Variants in TMEM131L observed in about 807,000 individuals in gnomAD.
TMEM131L encodes the protein transmembrane protein 131-like.
Under a neutral mutation model 192.2 loss-of-function variants are expected in TMEM131L, and 54 were observed. That is an observed-to-expected ratio of 0.28 (90% CI 0.23 to 0.35). The LOEUF (loss-of-function observed/expected upper bound fraction) is 0.35, where lower values mean the gene tolerates loss of function less well. Ranked by LOEUF, TMEM131L falls within the 10% of genes least tolerant of loss-of-function variation. The probability of loss-of-function intolerance (pLI) is 1.00; values close to 1 mark genes in which losing one functional copy is unlikely to be tolerated. For synonymous variants in TMEM131L, 701 were observed against 704.9 expected (o/e 0.99, Z 0.09); for missense variants, 1,888 against 1,972.9 (o/e 0.96, Z 0.82).
rs534594026 is a variant in TMEM131L, at chr4:153,610,150, T to C, written c.3419-2102T>C. Among the ~76,000 whole-genome samples, 90 of 152,328 alleles carry C rather than the reference T, an allele frequency of 5.9e-4. No homozygotes were observed. In the South Asian group the frequency reaches 0.018, roughly 30 times the overall value. ...AGGTTTGAAAGGGATCTGAAAGTTG[T>C]GTCCCAGCAGTCCTCTAAATGAAGT... On this transcript the variant is annotated intron_variant, in intron 25 of 34. Coordinates refer to ENST00000409959, the MANE Select transcript of TMEM131L (RefSeq NM_001131007.2).
rs1353283733 is a variant in TMEM131L at position 153,603,853 on chromosome 4, G to A, written c.2841G>A (p.Arg947=). Residue 947 remains arginine (R), a synonymous_variant, in exon 25 of 35, where the codon AGG becomes AGA. Transcript: ENST00000409959. The part of the protein sequence containing the change: ...LDTYGPSDKG[R]GKNCLPVNTP... ...CATATGGCCCCTCTGATAAAGGCAG[G>A]GGGAAGAACTGCCTTCCAGTGAACA... is the stretch of plus-strand genomic sequence containing the variant. 6.2e-7 allele frequency: 1 copy of A among 1,611,898 alleles called. No homozygotes were observed. The highest frequency in any genetic ancestry group is 8.5e-7 in the Non-Finnish European group (1 of 1,179,164).
intron 26 of TMEM131L, 118 bp downstream of exon 26, chr4:153,612,518 G>A: frequency 1.4e-6 from 1 of 734,720 alleles, no homozygotes; most frequent in Non-Finnish European, 2.1e-6. Flanking sequence ...TAACTGGTGA[G>A]TTTGATGTGT....
At chr4:153,485,983 C>A (rs1343943600) in intron 3 of TMEM131L, among the ~76,000 whole-genome samples, 1 of 152,144 alleles carries the variant, frequency 6.6e-6, no homozygotes, top group African/African-American at 2.4e-5. Context: ...GTGCGTGATC[C>A]TAGGTGTCCT....
chr4:153,481,561 G>T (rs1280093113), intron 3 of TMEM131L, among the ~76,000 whole-genome samples: 1 of 152,010 alleles, frequency 6.6e-6, no homozygotes, highest in Non-Finnish European at 1.5e-5. Context: ...TTTGAGACAG[G>T]GTCTCAGTCT....
At chr4:153,604,771 C>A (rs1441937951) in intron 25 of TMEM131L, among the ~76,000 whole-genome samples, 1 of 152,094 alleles carries the variant, frequency 6.6e-6, no homozygotes, top group Non-Finnish European at 1.5e-5. Context: ...GTGGTGTGAT[C>A]TTGGCTCACT....
chr4:153,476,554 A>C (rs1404845045), intron 3 of TMEM131L, among the ~76,000 whole-genome samples: 2 of 151,926 alleles, frequency 1.3e-5, no homozygotes, highest in Non-Finnish European at 2.9e-5. Flanking sequence ...AAAATTAGCC[A>C]GGTGTGGTGG....
At chr4:153,619,378 C>G (rs17370492) in intron 26 of TMEM131L, among the ~76,000 whole-genome samples, 17 of 152,126 alleles carry the variant, frequency 1.1e-4, no homozygotes, top group Non-Finnish European at 2.1e-4. Context: ...CATTAAATCC[C>G]GAGTCTGCAT....
At chr4:153,522,992 A>G (rs987595836) in intron 3 of TMEM131L, among the ~76,000 whole-genome samples, 2 of 152,080 alleles carry the variant, frequency 1.3e-5, no homozygotes, top group African/African-American at 4.8e-5. Context: ...CCCTTAGTCC[A>G]CTCTGATACA....
chr4:153,514,730 AG>A (rs1421967704), intron 3 of TMEM131L, among the ~76,000 whole-genome samples: 2 of 152,230 alleles, frequency 1.3e-5, no homozygotes, highest in Non-Finnish European at 2.9e-5. Context: ...AATATAAAGA[AG>A]AAAAATAAAA....
intron 3 of TMEM131L, among the ~76,000 whole-genome samples, chr4:153,496,355 G>A (rs142708571): frequency 2.1e-3 from 324 of 152,258 alleles, no homozygotes; most frequent in African/African-American, 7.5e-3. Flanking sequence ...AAAACGGGGA[G>A]GCCCACTGAG....
chr4:153,548,926 C>T (rs1270092716), intron 3 of TMEM131L, among the ~76,000 whole-genome samples: 2 of 151,922 alleles, frequency 1.3e-5, no homozygotes, highest in East Asian at 1.9e-4. Context: ...GATGGCTGCT[C>T]GGTGGGAGGA....
intron 3 of TMEM131L, among the ~76,000 whole-genome samples, chr4:153,475,649 C>T (rs773211834): frequency 1.3e-5 from 2 of 151,854 alleles, no homozygotes; most frequent in East Asian, 1.9e-4. Flanking sequence ...CTTCTGCATT[C>T]GTGGATTCAA....
intron 16 of TMEM131L, among the ~76,000 whole-genome samples, chr4:153,590,198 A>G (rs145087342): frequency 1.0e-3 from 158 of 152,152 alleles, no homozygotes; most frequent in Non-Finnish European, 2.0e-3. Context: ...TAGTGTTCCT[A>G]CCTTTCATCA....
intron 3 of TMEM131L, among the ~76,000 whole-genome samples, chr4:153,525,277 T>C (rs934866162): frequency 6.6e-6 from 1 of 152,244 alleles, no homozygotes; most frequent in Admixed American, 6.5e-5. Flanking sequence ...TGATAGTACC[T>C]CTAGAGCCAG....
intron 3 of TMEM131L, among the ~76,000 whole-genome samples, chr4:153,487,643 T>C (rs951616556): frequency 6.6e-6 from 1 of 152,000 alleles, no homozygotes. Flanking sequence ...CAGGGTGGTA[T>C]GTGTATTCAG....
chr4:153,496,076 C>G (rs560591685), intron 3 of TMEM131L, among the ~76,000 whole-genome samples: 4 of 152,082 alleles, frequency 2.6e-5, no homozygotes, highest in Non-Finnish European at 4.4e-5. Flanking sequence ...TCGAGGGCGG[C>G]GAGACCTGAA....
rs562877907 is a variant in TMEM131L, at chr4:153,585,072, T to C, written c.1157+141T>C. On this transcript the variant is annotated intron_variant, in intron 12 of 34. Coordinates refer to ENST00000409959, the MANE Select transcript of TMEM131L (RefSeq NM_001131007.2). ...TTGCCTCCCCTTGCCTTAGCATTGC[T>C]AACAGGCAGTGAAAGGGATATTAGC... The C allele has an allele frequency of 3.8e-3, 2,521 of 668,452 alleles. 7 individuals are homozygous for C. The highest frequency in any genetic ancestry group is 7.9e-3 in the Middle Eastern group (32 of 4,044). The allele number at this position is 668,452 out of a possible 1,614,324, so 41.4% of individuals were successfully genotyped here.
At position 153,634,255 on chromosome 4, in the gene TMEM131L, G is replaced by T; in HGVS notation, c.4392G>T (p.Leu1464Phe). 6.2e-7 allele frequency: 1 copy of T among 1,613,956 alleles called. No individual in the cohort carries two copies. Among genetic ancestry groups the T allele is most frequent in the South Asian group, 1.1e-5 (1 of 91,068 alleles). ...CCAGCGCATACTGTCCATTGGAATT[G>T]AACGATTACAATGCCTTTCCAGAAG... is the stretch of plus-strand genomic sequence containing the variant. ...QFSSAYCPLE[L>F]NDYNAFPEEN... Residue 1464 changes from leucine (L) to phenylalanine (F), a missense_variant, in exon 33 of 35, where the codon TTG (leucine) becomes TTT (phenylalanine). By Grantham distance (22) the Leu-to-Phe change is conservative (BLOSUM62 0). Coordinates refer to ENST00000409959, the MANE Select transcript of TMEM131L (RefSeq NM_001131007.2).
In TMEM131L at chr4:153,555,419, T is replaced by C. The variant is rs1433862450; in HGVS notation, c.309-368T>C. Among the ~76,000 whole-genome samples the C allele has an allele frequency of 6.6e-6, 1 of 152,214 alleles. No individual in the cohort carries two copies. The highest frequency in any genetic ancestry group is 1.5e-5 in the Non-Finnish European group (1 of 68,038). ...TACTTTCATTGAATTATTCAACATA[T>C]TTTCATTGAATTAGAGACCCAGGTC... On this transcript the variant is annotated intron_variant, in intron 4 of 34. Transcript: ENST00000409959. This position sits in a 1 kb window ranked among gnomAD's most constrained non-coding sequence, Gnocchi z 4.1.
Sources: gnomAD v4.1 joint callset for allele counts (sites outside exome capture counted in the v4.1 genomes callset) on GRCh38, gnomAD v4.1.1 for gene constraint, Gnocchi (gnomAD v3.1) non-coding constraint, MANE v1.5 for transcripts, NCBI Gene and HGNC (gene_info 2026-07-23, HGNC 2026-07-21) for gene names.